The following HERPUD2 variants were observed in gnomAD, a reference collection of about 807,000 sequenced individuals.
HERPUD2 encodes the protein homocysteine-responsive endoplasmic reticulum-resident ubiquitin-like domain member 2 protein.
In HERPUD2, 13 loss-of-function variants were observed where a neutral mutation model predicts 49.9. The observed-to-expected ratio is 0.26, with a 90% CI of 0.17 to 0.41. The LOEUF (loss-of-function observed/expected upper bound fraction) is 0.41, where lower values mean the gene tolerates loss of function less well. HERPUD2 is among the 10% of genes least tolerant of loss of function. The pLI, the probability that HERPUD2 is intolerant of heterozygous loss-of-function variation, is 1.00. For synonymous variants in HERPUD2, 172 were observed against 171.4 expected (o/e 1.00, Z -0.03); for missense variants, 449 against 492.2 (o/e 0.91, Z 0.83).
chr7:35,636,734 G>C (rs1784876350), intron 6 of HERPUD2, among the ~76,000 whole-genome samples: 1 of 152,204 alleles, frequency 6.6e-6, no homozygotes, highest in Non-Finnish European at 1.5e-5. Flanking sequence ...ATGGGGAAAG[G>C]TCTGGAGGAA....
At position 35,694,619 on chromosome 7, in the gene HERPUD2, G is replaced by A; in HGVS notation, c.-289C>T. The A allele has an allele frequency of 4.8e-6, 2 of 413,382 alleles. No individual in the cohort carries two copies. Among genetic ancestry groups the A allele is most frequent in the Non-Finnish European group, 9.0e-6 (2 of 221,688 alleles). The allele number at this position is 413,382 out of a possible 1,614,324, so 25.6% of individuals were successfully genotyped here. A position where few individuals can be genotyped will look rare whatever the true frequency, so the allele number is the denominator to read the frequency against. On this transcript the variant is annotated 5_prime_UTR_variant, in exon 2 of 9. Transcript: ENST00000311350. Reference sequence around the variant, plus strand: ...CGGACTGTGGAGGCCGTCGTGAGGAGAAAGGAAGCTATACGAAGGAAGGGT... The same window carrying A: ...CGGACTGTGGAGGCCGTCGTGAGGAAAAAGGAAGCTATACGAAGGAAGGGT...
intron 5 of HERPUD2, among the ~76,000 whole-genome samples, chr7:35,664,230 T>C (rs1301941624): frequency 6.6e-6 from 1 of 152,248 alleles, no homozygotes; most frequent in Non-Finnish European, 1.5e-5. Context: ...CACTCTCTTC[T>C]GGCTTGTAGA....
rs1453244939 is a variant in HERPUD2, at chr7:35,633,533, G to A, written c.*157C>T. 5 of 453,516 alleles carry A rather than the reference G, an allele frequency of 1.1e-5. No individual in the cohort carries two copies. Among genetic ancestry groups the A allele is most frequent in the Non-Finnish European group, 1.9e-5 (5 of 260,114 alleles). The allele number at this position is 453,516 out of a possible 1,614,324, so 28.1% of individuals were successfully genotyped here. ...AACTCAGATATTTAGTAGTCCATTCGTGCTTAAAATATTCATATGCATGAG... is the reference window on the plus strand; with the variant it reads ...AACTCAGATATTTAGTAGTCCATTCATGCTTAAAATATTCATATGCATGAG... On this transcript the variant is annotated 3_prime_UTR_variant, in exon 9 of 9. Coordinates refer to ENST00000311350, the MANE Select transcript of HERPUD2 (RefSeq NM_022373.5).
At chr7:35,692,174 C>T (rs17766963) in intron 2 of HERPUD2, among the ~76,000 whole-genome samples, 11,389 of 152,310 alleles carry the variant, frequency 0.075, 599 homozygotes, top group South Asian at 0.21. Context: ...ATCTCATCCT[C>T]AGACAGCTAA....
intron 2 of HERPUD2, among the ~76,000 whole-genome samples, chr7:35,684,521 GATAT>G (rs71553025): frequency 6.6e-6 from 1 of 150,566 alleles, no homozygotes; most frequent in Non-Finnish European, 1.5e-5. Flanking sequence ...GTGAGAGACA[GATAT>G]ATATATATAT....
chr7:35,688,465 G>C (rs1288331852), intron 2 of HERPUD2, among the ~76,000 whole-genome samples: 2 of 152,170 alleles, frequency 1.3e-5, no homozygotes, highest in Non-Finnish European at 2.9e-5. Flanking sequence ...GTACACCTCT[G>C]ATGTTCAATA....
At position 35,633,702 on chromosome 7, in the gene HERPUD2, C is replaced by T. The variant is rs371261125; in HGVS notation, c.1209G>A (p.Gln403=). ...ACAGTTTTTCAGGTCAATTGGCAAC[C>T]TGGGGAGGCCCCTCTGGTATTAGTG... The part of the protein sequence containing the change: ...FTSLIPEGPP[Q]VAN Residue 403 remains glutamine (Q), a synonymous_variant, in exon 9 of 9, where the codon CAG becomes CAA. Coordinates refer to ENST00000311350, the MANE Select transcript of HERPUD2 (RefSeq NM_022373.5). 6 of 1,613,206 alleles carry T rather than the reference C, an allele frequency of 3.7e-6. No homozygotes were observed. The highest frequency in any genetic ancestry group is 4.5e-5 in the East Asian group (2 of 44,838).
At chr7:35,645,407 C>G (rs564954065) in intron 5 of HERPUD2, among the ~76,000 whole-genome samples, 1 of 151,950 alleles carries the variant, frequency 6.6e-6, no homozygotes, top group African/African-American at 2.4e-5. Context: ...ATAGTGAGAT[C>G]CCATCTCTAA....
At chr7:35,687,320 C>T (rs1786085101) in intron 2 of HERPUD2, among the ~76,000 whole-genome samples, 1 of 152,066 alleles carries the variant, frequency 6.6e-6, no homozygotes, top group Non-Finnish European at 1.5e-5. Flanking sequence ...ATATAATTGG[C>T]CTCTCCATTA....
At chr7:35,678,143 C>G (rs947389583) in intron 2 of HERPUD2, among the ~76,000 whole-genome samples, 2 of 151,990 alleles carry the variant, frequency 1.3e-5, no homozygotes, top group Non-Finnish European at 2.9e-5. Context: ...GAATGACTAA[C>G]AGCAGGCTGT....
At chr7:35,674,903 T>C (rs1785727475) in intron 2 of HERPUD2, among the ~76,000 whole-genome samples, 1 of 152,158 alleles carries the variant, frequency 6.6e-6, no homozygotes, top group South Asian at 2.1e-4. Context: ...CTCTCTTCCA[T>C]TTGTATCCTT....
chr7:35,648,455 G>C (rs1391106618), intron 5 of HERPUD2, among the ~76,000 whole-genome samples: 2 of 152,130 alleles, frequency 1.3e-5, no homozygotes, highest in African/African-American at 2.4e-5. Context: ...ATTTACACCA[G>C]AGAAATCAGC....
intron 5 of HERPUD2, among the ~76,000 whole-genome samples, chr7:35,651,755 A>G (rs542779168): frequency 6.6e-6 from 1 of 152,328 alleles, no homozygotes; most frequent in African/African-American, 2.4e-5. Flanking sequence ...TGTGAAATCC[A>G]GAAAACTAAT....
intron 2 of HERPUD2, among the ~76,000 whole-genome samples, chr7:35,689,510 T>G (rs1219727146): frequency 6.6e-6 from 1 of 152,190 alleles, no homozygotes; most frequent in Non-Finnish European, 1.5e-5. Context: ...CTAAGAGAGA[T>G]AAAATTTCAA....
rs546912160 is a variant in HERPUD2, at chr7:35,681,569, A to G, written c.148-8291T>C. 2.0e-5 allele frequency among the ~76,000 whole-genome samples: 3 copies of G among 152,366 alleles called. No individual in the cohort carries two copies. In the East Asian group the frequency reaches 5.8e-4, roughly 29 times the overall value. On this transcript the variant is annotated intron_variant, in intron 2 of 8. Transcript: ENST00000311350. ...TTAATAGTCAAAAAAAAGTAGAAAC[A>G]ACCCAAATGTCTATCAGCTGACAAA...
rs2115811275 is a variant in HERPUD2 at position 35,633,861 on chromosome 7, A to G, written c.1060-10T>C. 1 of 1,611,200 alleles carries G rather than the reference A, an allele frequency of 6.2e-7. No individual in the cohort carries two copies. The highest frequency in any genetic ancestry group is 1.1e-5 in the South Asian group (1 of 90,578). On this transcript the variant is annotated splice_polypyrimidine_tract_variant and intron_variant, in intron 8 of 8. Coordinates refer to ENST00000311350, the MANE Select transcript of HERPUD2 (RefSeq NM_022373.5). Reference sequence around the variant, plus strand: ...CATCCATAAGACGCTCCTTTCAAGCAAAACAAGAAAGATACTCCTGAGTGA... The same window carrying G: ...CATCCATAAGACGCTCCTTTCAAGCGAAACAAGAAAGATACTCCTGAGTGA...
rs369406198 is a variant in HERPUD2 at position 35,633,689 on chromosome 7, G to T, written c.*1C>A. ...CCTTGTAGCTGGCACAGTTTTTCAGGTCAATTGGCAACCTGGGGAGGCCCC... is the reference window on the plus strand; with the variant it reads ...CCTTGTAGCTGGCACAGTTTTTCAGTTCAATTGGCAACCTGGGGAGGCCCC... On this transcript the variant is annotated 3_prime_UTR_variant, in exon 9 of 9. Coordinates refer to ENST00000311350, the MANE Select transcript of HERPUD2 (RefSeq NM_022373.5). 104 of 1,611,902 alleles carry T rather than the reference G, an allele frequency of 6.5e-5. No homozygotes were observed. Among genetic ancestry groups the T allele is most frequent in the Non-Finnish European group, 8.4e-5 (99 of 1,179,080 alleles).
chr7:35,687,226 G>C (rs1786082877), intron 2 of HERPUD2, among the ~76,000 whole-genome samples: 2 of 151,966 alleles, frequency 1.3e-5, no homozygotes, highest in South Asian at 2.1e-4. Flanking sequence ...GAAGACTCAG[G>C]GTTCACAAAT....
chr7:35,668,145 T>A (rs1358280410), intron 4 of HERPUD2, among the ~76,000 whole-genome samples: 1 of 152,166 alleles, frequency 6.6e-6, no homozygotes, highest in Admixed American at 6.5e-5. Context: ...ACCTTAAAGG[T>A]TCACTTAACC....
Sources: gnomAD v4.1 joint callset for allele counts (sites outside exome capture counted in the v4.1 genomes callset) on GRCh38, gnomAD v4.1.1 for gene constraint, MANE v1.5 for transcripts, NCBI Gene and HGNC (gene_info 2026-07-23, HGNC 2026-07-21) for gene names.